The following BOD1L1 variants were observed in gnomAD, a reference collection of about 807,000 sequenced individuals.
The protein encoded by BOD1L1 is biorientation of chromosomes in cell division 1 like 1, also known as biorientation of chromosomes in cell division protein 1-like 1.
BOD1L1 carries 86 observed loss-of-function variants against 240.7 expected under a neutral mutation model. That is an observed-to-expected ratio of 0.36 (90% CI 0.30 to 0.43). The LOEUF is 0.43. Among genes scored for constraint, BOD1L1 ranks in the 20% least tolerant of loss-of-function variants. The probability of loss-of-function intolerance (pLI) is 1.00; values close to 1 mark genes in which losing one functional copy is unlikely to be tolerated. For missense variants in BOD1L1, 3,554 were observed against 3,643.5 expected (o/e 0.98, Z 0.63); for synonymous variants, 1,268 against 1,272.3 (o/e 1.00, Z 0.07).
intron 9 of BOD1L1, 93 bp from the exon 10 acceptor site, chr4:13,605,177 T>C: frequency 9.4e-7 from 1 of 1,064,472 alleles, no homozygotes; most frequent in Non-Finnish European, 1.3e-6. Context: ...TGTTGAGTGC[T>C]GTCACATATG....
chr4:13,603,665 A>T lies in BOD1L1; in HGVS notation c.3235T>A (p.Ser1079Thr). ...TCTTCTCCTTTGGCCATTTCTTGTG[A>T]CAAGCTTCCTCTCCGATTTTCGCAC... is the stretch of plus-strand genomic sequence containing the variant. ...RLCENRRGSL[S>T]QEMAKGEEKL... Residue 1079 changes from serine to threonine, a missense_variant, in exon 10 of 26, where the codon TCA (serine) becomes ACA (threonine). Coordinates refer to ENST00000040738, the MANE Select transcript of BOD1L1 (RefSeq NM_148894.3). 1 of 1,613,906 alleles carries T rather than the reference A, an allele frequency of 6.2e-7. No homozygotes were observed. The highest frequency in any genetic ancestry group is 1.1e-5 in the South Asian group (1 of 91,084).
chr4:13,614,241 C>T lies in BOD1L1; in HGVS notation c.1129G>A (p.Glu377Lys). 1 of 1,533,180 alleles carries T rather than the reference C, an allele frequency of 6.5e-7. No individual in the cohort carries two copies. Among genetic ancestry groups the T allele is most frequent in the Non-Finnish European group, 8.8e-7 (1 of 1,142,176 alleles). 95.0% of individuals were successfully genotyped at this position (1,533,180 alleles called of 1,614,324 possible). A position where few individuals can be genotyped will look rare whatever the true frequency, so the allele number is the denominator to read the frequency against. Residue 377 changes from glutamate to lysine, a missense_variant, in exon 4 of 26, where the codon GAA becomes AAA. Coordinates refer to ENST00000040738, the MANE Select transcript of BOD1L1 (RefSeq NM_148894.3). Reference protein sequence around the residue: ...KEVESLKLPSEKNSNKAKTVE... With the variant: ...KEVESLKLPSKKNSNKAKTVE... The stretch of plus-strand genomic sequence containing the variant: ...GTTTTAGCTTTATTACTGTTCTTTT[C>T]TGAAGGAAGTTTTAAACTCTCTACT...
chr4:13,624,219 AG>A (rs1455843755), intron 1 of BOD1L1: 1 of 151,956 alleles, frequency 6.6e-6, no homozygotes. Flanking sequence ...AGTGGCAGGG[AG>A]GGGGAGAGAG....
intron 18 of BOD1L1, 124 bp from the exon 19 acceptor site, chr4:13,582,434 A>G (rs1298126604): frequency 5.1e-6 from 4 of 783,840 alleles, no homozygotes; most frequent in East Asian, 2.6e-5. Context: ...TGTTTCTACC[A>G]TCAAAATTAA....
intron 2 of BOD1L1, among the ~76,000 whole-genome samples, chr4:13,616,628 C>T (rs1193764141): frequency 6.6e-6 from 1 of 152,210 alleles, no homozygotes; most frequent in Admixed American, 6.5e-5. Context: ...GCCTCAACTG[C>T]TCTCTATGGA....
At chr4:13,623,907 A>C (rs1357443260) in intron 1 of BOD1L1, 4 of 152,142 alleles carry the variant, frequency 2.6e-5, no homozygotes, top group Non-Finnish European at 4.4e-5. Context: ...GATTCCATTA[A>C]AGTGATGGTT....
chr4:13,581,720 C>T (rs1020625955), intron 19 of BOD1L1, among the ~76,000 whole-genome samples: 2 of 152,232 alleles, frequency 1.3e-5, no homozygotes, highest in African/African-American at 4.8e-5. Flanking sequence ...GCTCCACAGG[C>T]TCCCTGAAAA....
chr4:13,606,402 T>C (rs1715702385), intron 9 of BOD1L1, among the ~76,000 whole-genome samples: 1 of 152,196 alleles, frequency 6.6e-6, no homozygotes, highest in Non-Finnish European at 1.5e-5. Context: ...ATCACTAACA[T>C]TGCTTTTTCC....
chr4:13,617,733 A>G (rs1333909985), intron 2 of BOD1L1, among the ~76,000 whole-genome samples: 1 of 152,186 alleles, frequency 6.6e-6, no homozygotes, highest in East Asian at 1.9e-4. Flanking sequence ...GTATTAGACC[A>G]TTTTTGTCTT....
At chr4:13,617,620 AT>A (rs1344984924) in intron 2 of BOD1L1, among the ~76,000 whole-genome samples, 1 of 152,134 alleles carries the variant, frequency 6.6e-6, no homozygotes, top group African/African-American at 2.4e-5. Flanking sequence ...GTTACCTAGG[AT>A]TTTCAGATTC....
Position 13,599,753 on chromosome 4 carries a change from T to C in BOD1L1, c.7147A>G (p.Asn2383Asp). The change falls in exon 10 of 26, where the codon AAC becomes GAC. Residue 2383 changes from asparagine (N) to aspartate (D), a missense_variant. By Grantham distance (23) the Asn-to-Asp change is conservative. Transcript: ENST00000040738. ...CTGACTGGCCCAGGACACCGACAGT[T>C]ATTCTCAGCAATTAGGCTGGGCATG... ...VPMPSLIAEN[N>D]CRCPGPVRGG... The C allele has an allele frequency of 6.2e-7, 1 of 1,614,012 alleles. No individual in the cohort carries two copies. The highest frequency in any genetic ancestry group is 1.1e-5 in the South Asian group (1 of 91,078).
At chr4:13,609,163 CG>C in intron 7 of BOD1L1, 131 bp downstream of exon 7, 1 of 510,990 alleles carries the variant, frequency 2.0e-6, no homozygotes, top group Non-Finnish European at 3.1e-6. Context: ...GAGATTAAAA[CG>C]TAAGGAAATC....
In BOD1L1 at chr4:13,599,945, T is replaced by C. The variant is rs201423958; in HGVS notation, c.6955A>G (p.Thr2319Ala). ...GCATCGCTCAAGTCTTCTACTCTTG[T>C]GATGGTGAGCCGATCTTCATCCTGG... Reference protein sequence around the residue: ...VLQDEDRLTITRVEDLSDAAI... With the variant: ...VLQDEDRLTIARVEDLSDAAI... Residue 2319 changes from threonine (T) to alanine (A), a missense_variant, in exon 10 of 26, where the codon ACA (threonine) becomes GCA (alanine). Physicochemically the swap from Thr to Ala is moderately conservative, Grantham distance 58 (BLOSUM62 0). Around this residue, in one of 2 missense-constraint regions of BOD1L1, gnomAD observed 3,393 missense variants for 3,427.1 expected, o/e 0.99. Transcript: ENST00000040738. 12 of 1,613,088 alleles carry C rather than the reference T, an allele frequency of 7.4e-6. No individual in the cohort carries two copies. The highest frequency in any genetic ancestry group is 6.8e-6 in the Non-Finnish European group (8 of 1,179,482).
At chr4:13,608,885 T>C (rs975728541) in intron 7 of BOD1L1, among the ~76,000 whole-genome samples, 4 of 152,180 alleles carry the variant, frequency 2.6e-5, no homozygotes, top group African/African-American at 4.8e-5. Context: ...TTTCATATAT[T>C]ACATAGGATT....
Position 13,600,506 on chromosome 4 carries a change from C to T in BOD1L1, c.6394G>A (p.Ala2132Thr). 1.2e-6 allele frequency: 2 copies of T among 1,613,944 alleles called. No individual in the cohort carries two copies. Among genetic ancestry groups the T allele is most frequent in the Non-Finnish European group, 1.7e-6 (2 of 1,179,890 alleles). ...AVSGDDSQLTASRSEEKDECA... is the reference protein window; with the variant it reads ...AVSGDDSQLTTSRSEEKDECA... ...TCATCTTTCTCTTCACTTCTGCTGG[C>T]AGTGAGTTGGCTGTCATCTCCTGAG... The change falls in exon 10 of 26, where the codon GCC becomes ACC. Residue 2132 changes from alanine (A) to threonine (T), a missense_variant. By Grantham distance (58) the Ala-to-Thr change is moderately conservative. Transcript: ENST00000040738.
At chr4:13,572,325 G>T (rs925449804) in intron 25 of BOD1L1, among the ~76,000 whole-genome samples, 3 of 152,350 alleles carry the variant, frequency 2.0e-5, no homozygotes, top group Admixed American at 6.5e-5. Context: ...GGTGTAAGCT[G>T]GCAGGGGCCG....
rs767382509 is a variant in BOD1L1 at position 13,600,287 on chromosome 4, G to C, written c.6613C>G (p.Leu2205Val). Residue 2205 changes from leucine to valine, a missense_variant, in exon 10 of 26, where the codon CTT becomes GTT. This residue lies in a region of BOD1L1 where 3,393 missense variants were observed against 3,427.1 expected (regional missense o/e 0.99). Coordinates refer to ENST00000040738, the MANE Select transcript of BOD1L1 (RefSeq NM_148894.3). ...TTCTCCTCCTTGCTGGTTGAGGCAA[G>C]AGGACTTTCAGCTTCTGGGGGCGCA... ...PSAPPEAESP[L>V]ASTSKEEKDE... The C allele has an allele frequency of 3.7e-6, 6 of 1,614,068 alleles. No individual in the cohort carries two copies. In the East Asian group the frequency reaches 8.9e-5, roughly 24 times the overall value.
intron 19 of BOD1L1, 60 bp from the exon 20 acceptor site, chr4:13,581,267 A>C (rs1713211728): frequency 8.3e-7 from 1 of 1,207,462 alleles, no homozygotes; most frequent in African/African-American, 1.6e-5. Context: ...CCTTTATTAT[A>C]TAAAGTTTTC....
rs777866302 is a variant in BOD1L1, at chr4:13,620,070, A to G, written c.244-3T>C. ...TGTCTCAGATTCTGATACGCAGGCT[A>G]GAGAGAAAAAAACGAAGGTAAGTCT... On this transcript the variant is annotated splice_region_variant and splice_polypyrimidine_tract_variant and intron_variant, in intron 1 of 25. Transcript: ENST00000040738. The G allele has an allele frequency of 1.9e-6, 3 of 1,596,788 alleles. No homozygotes were observed. Among genetic ancestry groups the G allele is most frequent in the Non-Finnish European group, 8.5e-7 (1 of 1,170,586 alleles).
Sources: allele counts gnomAD v4.1 joint callset (sites outside exome capture counted in the v4.1 genomes callset), GRCh38; gene constraint gnomAD v4.1.1; regional missense constraint gnomAD v4.1.1; transcripts MANE v1.5; gene names NCBI Gene and HGNC (gene_info 2026-07-23, HGNC 2026-07-21).